N4BP2: variants seen among roughly 807,000 people sequenced by gnomAD.
N4BP2 encodes NEDD4-binding protein 2.
Under a neutral mutation model 152.8 loss-of-function variants are expected in N4BP2, and 91 were observed. The observed-to-expected ratio is 0.60, with a 90% CI of 0.50 to 0.71. N4BP2 has a LOEUF of 0.71. Ranked by LOEUF, N4BP2 falls within the 30% of genes least tolerant of loss-of-function variation. The pLI, the probability that N4BP2 is intolerant of heterozygous loss-of-function variation, is 0.00. For synonymous variants in N4BP2, 646 were observed against 705.3 expected, an observed-to-expected ratio of 0.92 and a Z score of 1.33; for missense variants, 1,923 against 2,059.1, an observed-to-expected ratio of 0.93 and a Z score of 1.28.
rs763969547 is a variant in N4BP2 at position 40,102,847 on chromosome 4, G to A, written c.1002G>A (p.Leu334=). The A allele has an allele frequency of 2.4e-5, 39 of 1,614,016 alleles. No homozygotes were observed. The highest frequency in any genetic ancestry group is 2.5e-5 in the Non-Finnish European group (30 of 1,180,036). The change falls in exon 4 of 18, where the codon CTG becomes CTA. Residue 334 remains leucine (L), a synonymous_variant. Coordinates refer to ENST00000261435, the MANE Select transcript of N4BP2 (RefSeq NM_018177.6). The stretch of plus-strand genomic sequence containing the variant: ...TCAAGCCACACAAACATCCTGAACT[G>A]CCAACTAAGGGGAAGGATGTGAGTT... ...FNFKPHKHPE[L]PTKGKDVSYC... is the part of the protein sequence containing the mutation.
At chr4:40,095,135 G>A (rs1714993082) in intron 2 of N4BP2, among the ~76,000 whole-genome samples, 1 of 151,894 alleles carries the variant, frequency 6.6e-6, no homozygotes, top group Admixed American at 6.6e-5. Flanking sequence ...CCAGGCTGGA[G>A]TGTAATGGCG....
rs947944508 is a variant in N4BP2, at chr4:40,155,444, A to T, written c.*1207A>T. 6.6e-6 allele frequency: 1 copy of T among 152,168 alleles called. No individual in the cohort carries two copies. The highest frequency in any genetic ancestry group is 2.4e-5 in the African/African-American group (1 of 41,448). The allele number at this position is 152,168 out of a possible 1,614,324, so 9.4% of individuals were successfully genotyped here. A position where few individuals can be genotyped will look rare whatever the true frequency, so the allele number is the denominator to read the frequency against. ...GAGAAAATATTTTGGTTATAATCAT[A>T]AGAAGAATCCTTACAATTTAAAATA... On this transcript the variant is annotated 3_prime_UTR_variant, in exon 18 of 18. Coordinates refer to ENST00000261435, the MANE Select transcript of N4BP2 (RefSeq NM_018177.6).
At position 40,066,398 on chromosome 4, in the gene N4BP2, A is replaced by C. The variant is rs372465653; in HGVS notation, c.-211-7057A>C. ...CAGTGGCATGATCTCGGCTCATTGCAGCCTCTGCCTCCCAGGTTCAAGCAA... is the reference window on the plus strand; with the variant it reads ...CAGTGGCATGATCTCGGCTCATTGCCGCCTCTGCCTCCCAGGTTCAAGCAA... On this transcript the variant is annotated intron_variant, in intron 1 of 17. Coordinates refer to ENST00000261435, the MANE Select transcript of N4BP2 (RefSeq NM_018177.6). Among the ~76,000 whole-genome samples, 69 of 145,036 alleles carry C rather than the reference A, an allele frequency of 4.8e-4. No homozygotes were observed. In the South Asian group the frequency reaches 0.015, roughly 31 times the overall value.
intron 2 of N4BP2, among the ~76,000 whole-genome samples, chr4:40,088,056 C>A (rs1714155076): frequency 6.6e-6 from 1 of 152,188 alleles, no homozygotes; most frequent in Non-Finnish European, 1.5e-5. Context: ...CCACGCCCGG[C>A]TACGACTGGC....
chr4:40,085,425 G>A (rs1479013475), intron 2 of N4BP2, among the ~76,000 whole-genome samples: 1 of 152,192 alleles, frequency 6.6e-6, no homozygotes, highest in African/African-American at 2.4e-5. Flanking sequence ...GGCTGAAGAT[G>A]TAAATTTGTT....
chr4:40,179,752 A>G, the N4BP2 span, among the ~76,000 whole-genome samples: 2 of 149,330 alleles, frequency 1.3e-5, no homozygotes, highest in East Asian at 2.0e-4. Flanking sequence ...AGAGTGGTAA[A>G]GCCTTTCTTT....
chr4:40,132,096 A>G (rs1718954434), intron 13 of N4BP2, among the ~76,000 whole-genome samples, 177 bp downstream of exon 13: 1 of 152,134 alleles, frequency 6.6e-6, no homozygotes, highest in African/African-American at 2.4e-5. Context: ...TAAACCCTCT[A>G]TATACCCTCT....
rs186707596 is a variant in N4BP2 at position 40,082,087 on chromosome 4, G to A, written c.-115+8536G>A. On this transcript the variant is annotated intron_variant, in intron 2 of 17. Transcript: ENST00000261435. ...AGGTTGCGCCATTGCACTCTAGCTTGGGCAACGAGCGAAACTCCATCTCAA... is the reference window on the plus strand; with the variant it reads ...AGGTTGCGCCATTGCACTCTAGCTTAGGCAACGAGCGAAACTCCATCTCAA... Among the ~76,000 whole-genome samples the A allele has an allele frequency of 1.1e-3, 162 of 152,158 alleles. 1 individual carries two copies. Among genetic ancestry groups the A allele is most frequent in the African/African-American group, 3.7e-3 (154 of 41,536 alleles).
chr4:40,097,116 C>T (rs748825641), intron 2 of N4BP2, 111 bp from the exon 3 acceptor site: 1 of 452,838 alleles, frequency 2.2e-6, no homozygotes. Flanking sequence ...TACTTTTTAG[C>T]TCTGCTGTTA....
At chr4:40,110,248 T>C (rs1716741827) in intron 5 of N4BP2, among the ~76,000 whole-genome samples, 1 of 152,238 alleles carries the variant, frequency 6.6e-6, no homozygotes, top group African/African-American at 2.4e-5. Context: ...GTTTTCACTT[T>C]TTGGCTATTA....
At position 40,118,004 on chromosome 4, in the gene N4BP2, T is replaced by G; in HGVS notation, c.1800T>G (p.Ser600=). 6.2e-7 allele frequency: 1 copy of G among 1,601,652 alleles called. No individual in the cohort carries two copies. Among genetic ancestry groups the G allele is most frequent in the Non-Finnish European group, 8.5e-7 (1 of 1,174,328 alleles). The change falls in exon 8 of 18, where the codon TCT becomes TCG. Residue 600 remains serine, a synonymous_variant. Transcript: ENST00000261435. The part of the protein sequence containing the change: ...KIERIELCAY[S]CEDRSTSPRD... ...AACGTATTGAGTTGTGTGCATATTC[T>G]TGTGAGGATAGAAGCACTAGGTAGG...
intron 16 of N4BP2, among the ~76,000 whole-genome samples, chr4:40,147,557 C>G (rs1720679693): frequency 6.7e-6 from 1 of 148,374 alleles, no homozygotes; most frequent in South Asian, 2.2e-4. Context: ...CCACCTCCCT[C>G]CCGGACATGG....
At chr4:40,153,846 A>G (rs569811613) in intron 17 of N4BP2, among the ~76,000 whole-genome samples, 1 of 152,302 alleles carries the variant, frequency 6.6e-6, no homozygotes, top group African/African-American at 2.4e-5. Context: ...GACTTACCTG[A>G]TATATCAGAG....
intron 16 of N4BP2, among the ~76,000 whole-genome samples, chr4:40,152,219 C>T (rs1721209799): frequency 6.6e-6 from 1 of 152,160 alleles, no homozygotes; most frequent in South Asian, 2.1e-4. Context: ...GGAAGATAAT[C>T]TATAAACTAG....
At chr4:40,137,209 C>A in intron 14 of N4BP2, 127 bp downstream of exon 14, 2 of 747,430 alleles carry the variant, frequency 2.7e-6, no homozygotes, top group Non-Finnish European at 4.1e-6. Flanking sequence ...ATTTAACCAC[C>A]AATGGCATAT....
rs367745461 is a variant in N4BP2 at position 40,121,508 on chromosome 4, T to C, written c.3397T>C (p.Cys1133Arg). Residue 1133 changes from cysteine (C) to arginine (R), a missense_variant, in exon 9 of 18, where the codon TGT (cysteine) becomes CGT (arginine). Physicochemically the swap from Cys to Arg is radical, Grantham distance 180 (BLOSUM62 -3). Coordinates refer to ENST00000261435, the MANE Select transcript of N4BP2 (RefSeq NM_018177.6). ...TTTGTTGGATTCTGAAACTAAGTTA[T>C]GTGAGGATACAGAGTTTGAGAATTT... Reference protein sequence around the residue: ...SLLLDSETKLCEDTEFENFQK... With the variant: ...SLLLDSETKLREDTEFENFQK... 1.9e-5 allele frequency: 30 copies of C among 1,614,078 alleles called. No homozygotes were observed. The African/African-American group carries it at 2.4e-4, about 13-fold the overall frequency.
At chr4:40,113,339 T>G (rs1717062389) in intron 6 of N4BP2, 93 bp from the exon 7 acceptor site, 1 of 927,020 alleles carries the variant, frequency 1.1e-6, no homozygotes, top group Non-Finnish European at 1.7e-6. Flanking sequence ...GATTAGATAA[T>G]CTTTACGTTT....
At chr4:40,114,133 G>C (rs1332775053) in intron 7 of N4BP2, among the ~76,000 whole-genome samples, 2 of 152,106 alleles carry the variant, frequency 1.3e-5, no homozygotes, top group African/African-American at 4.8e-5. Flanking sequence ...TGAGTTGCTT[G>C]ACTTGAATAA....
chr4:40,081,991 A>T (rs2109919639), intron 2 of N4BP2, among the ~76,000 whole-genome samples: 1 of 152,298 alleles, frequency 6.6e-6, no homozygotes, highest in South Asian at 2.1e-4. Flanking sequence ...GCATGCCTGT[A>T]ATCCCAGCTA....
Sources: allele counts gnomAD v4.1 joint callset (sites outside exome capture counted in the v4.1 genomes callset), GRCh38; gene constraint gnomAD v4.1.1; transcripts MANE v1.5; gene names NCBI Gene and HGNC (gene_info 2026-07-23, HGNC 2026-07-21).